The following LMO7 variants were observed in gnomAD, a reference collection of about 807,000 sequenced individuals.
The protein encoded by LMO7 is LIM domain 7, also known as LIM domain only protein 7.
LMO7 carries 120 observed loss-of-function variants against 206.5 expected under a neutral mutation model. The observed-to-expected ratio is 0.58, with a 90% confidence interval of 0.50 to 0.68. The LOEUF is 0.68. Among genes scored for constraint, LMO7 ranks in the 30% least tolerant of loss-of-function variants. The pLI, the probability that LMO7 is intolerant of heterozygous loss-of-function variation, is 0.00. For missense variants in LMO7, 1,959 were observed against 1,957.9 expected (o/e 1.00, Z -0.01); for synonymous variants, 706 against 681.5 (o/e 1.04, Z -0.56).
Position 75,752,444 on chromosome 13 carries a change from A to T in LMO7, c.211-8488A>T, listed in dbSNP as rs1216109716. Among the ~76,000 whole-genome samples, 5 of 152,090 alleles carry T rather than the reference A, an allele frequency of 3.3e-5. No individual in the cohort carries two copies. The East Asian group carries it at 5.8e-4, about 18-fold the overall frequency. On this transcript the variant is annotated intron_variant, in intron 3 of 30. Transcript: ENST00000377534. ...CACTGCACCCGGCCAAAGAACATTT[A>T]AAAAAATTTATATTCATGGGGCACA...
intron 1 of LMO7, among the ~76,000 whole-genome samples, chr13:75,687,003 C>T (rs930650384): frequency 7.9e-5 from 12 of 152,074 alleles, no homozygotes; most frequent in African/African-American, 2.9e-4. Flanking sequence ...CCTCCAAAGG[C>T]CCTACCTCCT....
chr13:75,635,443 AC>A (rs1304751318), upstream of LMO7, among the ~76,000 whole-genome samples: 1 of 151,324 alleles, frequency 6.6e-6, no homozygotes, highest in Non-Finnish European at 1.5e-5. Context: ...CCCGCCCCCA[AC>A]CCCCCGGCCC....
chr13:75,710,805 G>A (rs1056347890), intron 1 of LMO7, among the ~76,000 whole-genome samples: 20 of 152,116 alleles, frequency 1.3e-4, no homozygotes, highest in African/African-American at 3.6e-4. Flanking sequence ...TTTCCTGCCT[G>A]ATTGCCCTGG....
chr13:75,839,691 A>C (rs1270813139), intron 20 of LMO7: 1 of 157,930 alleles, frequency 6.3e-6, no homozygotes, highest in African/African-American at 2.4e-5. Flanking sequence ...GCAAGTAAAA[A>C]ATTGGGATTT....
At chr13:75,831,841 T>C (rs1341306553) in intron 15 of LMO7, among the ~76,000 whole-genome samples, 1 of 152,186 alleles carries the variant, frequency 6.6e-6, no homozygotes, top group Non-Finnish European at 1.5e-5. Flanking sequence ...GGCAATTAAA[T>C]TTTAACATGA....
At chr13:75,660,073 G>T (rs146283467) in intron 1 of LMO7, among the ~76,000 whole-genome samples, 2 of 152,240 alleles carry the variant, frequency 1.3e-5, no homozygotes, top group East Asian at 3.9e-4. Flanking sequence ...TCAAATTTTA[G>T]TTAATAGTTC....
chr13:75,739,465 G>A (rs1594668043), intron 3 of LMO7, among the ~76,000 whole-genome samples: 1 of 152,228 alleles, frequency 6.6e-6, no homozygotes, highest in African/African-American at 2.4e-5. Flanking sequence ...AGTGATGCCA[G>A]CTAGCTTAAG....
intron 1 of LMO7, among the ~76,000 whole-genome samples, chr13:75,673,343 C>T (rs776615313): frequency 1.4e-4 from 21 of 152,124 alleles, no homozygotes; most frequent in Non-Finnish European, 3.1e-4. Flanking sequence ...TTCCCAGACA[C>T]CCTTGCTGCT....
rs960120166 is a variant in LMO7, at chr13:75,805,174, T to C, written c.915-305T>C. 4.2e-4 allele frequency: 496 copies of C among 1,180,220 alleles called. 2 individuals are homozygous for C. Among genetic ancestry groups the C allele is most frequent in the Non-Finnish European group, 3.9e-4 (372 of 953,874 alleles). 73.1% of individuals were successfully genotyped at this position (1,180,220 alleles called of 1,614,324 possible). A position where few individuals can be genotyped will look rare whatever the true frequency, so the allele number is the denominator to read the frequency against. The stretch of plus-strand genomic sequence containing the variant: ...AGGTCAGAAATACTTGTCCTGGATC[T>C]GGCTGTCTATTATGCTGCTGATTTT... On this transcript the variant is annotated intron_variant, in intron 8 of 30. Transcript: ENST00000377534.
chr13:75,828,197 G>A (rs2138704144), intron 15 of LMO7, among the ~76,000 whole-genome samples: 1 of 152,230 alleles, frequency 6.6e-6, no homozygotes, highest in South Asian at 2.1e-4. Context: ...GCAATTACTG[G>A]GCATCAGTCA....
intron 2 of LMO7, among the ~76,000 whole-genome samples, chr13:75,723,206 A>C (rs1248652579): frequency 1.5e-5 from 2 of 131,802 alleles, no homozygotes; most frequent in Non-Finnish European, 3.3e-5. Flanking sequence ...AAAAAAACCC[A>C]AAATCATCAT....
intron 4 of LMO7, among the ~76,000 whole-genome samples, chr13:75,794,046 A>G (rs2053651505): frequency 6.6e-6 from 1 of 152,184 alleles, no homozygotes; most frequent in South Asian, 2.1e-4. Context: ...GCCATAATTT[A>G]TCCATTATAA....
At chr13:75,760,872 T>A (rs1443123181) in intron 3 of LMO7, 60 bp from the exon 4 acceptor site, 9 of 1,600,692 alleles carry the variant, frequency 5.6e-6, no homozygotes, top group Non-Finnish European at 7.7e-6. Flanking sequence ...TCATAAAAAT[T>A]TGTAACCTTT....
chr13:75,804,604 G>C, intron 8 of LMO7, 63 bp downstream of exon 8: 1 of 1,523,000 alleles, frequency 6.6e-7, no homozygotes, highest in African/African-American at 1.4e-5. Context: ...GATGTTAAAT[G>C]TGGTAAAAAG....
At chr13:75,701,478 T>C (rs1175342138) in intron 1 of LMO7, among the ~76,000 whole-genome samples, 2 of 152,176 alleles carry the variant, frequency 1.3e-5, no homozygotes, top group Non-Finnish European at 2.9e-5. Flanking sequence ...AGGTAATTGT[T>C]GAGACTTGCT....
intron 1 of LMO7, among the ~76,000 whole-genome samples, chr13:75,657,195 C>A (rs910197618): frequency 2.0e-5 from 3 of 152,130 alleles, no homozygotes; most frequent in African/African-American, 4.8e-5. Context: ...AGGATCTGTT[C>A]CCTGTGGGTT....
chr13:75,835,941 ATTAAAT>A (rs1776824265), intron 18 of LMO7, among the ~76,000 whole-genome samples: 3 of 152,150 alleles, frequency 2.0e-5, no homozygotes, highest in African/African-American at 7.2e-5. Context: ...TAAATTAATA[ATTAAAT>A]TTAAATTTCA....
intron 3 of LMO7, among the ~76,000 whole-genome samples, chr13:75,739,782 CA>C (rs1454847401): frequency 6.6e-6 from 1 of 152,134 alleles, no homozygotes; most frequent in Non-Finnish European, 1.5e-5. Context: ...TATTTCTACC[CA>C]AGTTTTGTCC....
Position 75,785,267 on chromosome 13 carries a change from C to T in LMO7, c.318-10134C>T, listed in dbSNP as rs565577876. On this transcript the variant is annotated intron_variant, in intron 4 of 30. Coordinates refer to ENST00000377534, the MANE Select transcript of LMO7 (RefSeq NM_001306080.2). Reference sequence around the variant, plus strand: ...AAGGTAGAAAATATTTGTGATTACCCTCATACTATTAATAAAACAGGGTCT... The same window carrying T: ...AAGGTAGAAAATATTTGTGATTACCTTCATACTATTAATAAAACAGGGTCT... Among the ~76,000 whole-genome samples, 12 of 152,088 alleles carry T rather than the reference C, an allele frequency of 7.9e-5. No homozygotes were observed. The South Asian group carries it at 2.3e-3, about 29-fold the overall frequency.
Sources: gnomAD v4.1 joint callset for allele counts (sites outside exome capture counted in the v4.1 genomes callset) on GRCh38, gnomAD v4.1.1 for gene constraint, MANE v1.5 for transcripts, NCBI Gene and HGNC (gene_info 2026-07-23, HGNC 2026-07-21) for gene names.